QTMAN: variants seen among roughly 807,000 people sequenced by gnomAD.
QTMAN encodes queuosine-tRNA mannosyltransferase, also known as tRNA-queuosine alpha-mannosyltransferase.
chr2:144,208,591 A>T, the QTMAN span: 1 of 1,606,678 alleles, frequency 6.2e-7, no homozygotes, highest in Non-Finnish European at 8.5e-7. Flanking sequence ...ATGCATCCTG[A>T]GCTCTAATTA....
At chr2:144,043,526 A>C in the QTMAN span, among the ~76,000 whole-genome samples, 3 of 151,822 alleles carry the variant, frequency 2.0e-5, no homozygotes, top group African/African-American at 7.2e-5. Context: ...CCCACCTACT[A>C]GGGAGGCTGA....
At chr2:143,983,223 A>G in the QTMAN span, among the ~76,000 whole-genome samples, 6 of 152,170 alleles carry the variant, frequency 3.9e-5, no homozygotes, top group Non-Finnish European at 7.4e-5. Context: ...TTCAAGGAAC[A>G]GTTGAGGGGA....
At chr2:144,255,443 T>C in the QTMAN span, among the ~76,000 whole-genome samples, 6 of 152,318 alleles carry the variant, frequency 3.9e-5, no homozygotes, top group Admixed American at 2.6e-4. Context: ...TCCGCCATGG[T>C]TGTTTTCCTG....
At chr2:144,297,780 C>G in the QTMAN span, among the ~76,000 whole-genome samples, 2 of 151,124 alleles carry the variant, frequency 1.3e-5, no homozygotes, top group Non-Finnish European at 3.0e-5. Context: ...TGGGGTTTCA[C>G]CATGTTAGCC....
chr2:144,055,939 T>C, the QTMAN span, among the ~76,000 whole-genome samples: 2 of 152,192 alleles, frequency 1.3e-5, no homozygotes, highest in Non-Finnish European at 2.9e-5. Flanking sequence ...TAGGATTAAA[T>C]ATTGGCCGCA....
At chr2:144,039,522 T>C in the QTMAN span, among the ~76,000 whole-genome samples, 1 of 152,184 alleles carries the variant, frequency 6.6e-6, no homozygotes, top group Non-Finnish European at 1.5e-5. Flanking sequence ...TCCTCCAAAA[T>C]AAACAACTTT....
chr2:144,307,813 A>T, the QTMAN span, among the ~76,000 whole-genome samples: 4 of 152,190 alleles, frequency 2.6e-5, no homozygotes, highest in Admixed American at 6.5e-5. Context: ...AAACTACAAA[A>T]CATTACTCAG....
chr2:144,019,640 C>T, the QTMAN span, among the ~76,000 whole-genome samples: 2 of 152,000 alleles, frequency 1.3e-5, no homozygotes, highest in African/African-American at 4.8e-5. Context: ...GAAATCAACC[C>T]CCTTGATAAC....
the QTMAN span, among the ~76,000 whole-genome samples, chr2:144,152,373 G>A: frequency 6.6e-6 from 1 of 152,098 alleles, no homozygotes; most frequent in Non-Finnish European, 1.5e-5. Context: ...TGCCTATTGA[G>A]CTTCTTTAGC....
At chr2:143,969,695 G>A in the QTMAN span, among the ~76,000 whole-genome samples, 1 of 152,184 alleles carries the variant, frequency 6.6e-6, no homozygotes, top group Non-Finnish European at 1.5e-5. Context: ...AGATCAAAAG[G>A]ATAAAATAGA....
the QTMAN span, among the ~76,000 whole-genome samples, chr2:144,326,693 C>T: frequency 1.3e-5 from 2 of 151,990 alleles, no homozygotes; most frequent in African/African-American, 4.8e-5. Context: ...ACTGGCTTCC[C>T]ACACTGATAA....
At chr2:144,224,257 G>T in the QTMAN span, among the ~76,000 whole-genome samples, 1 of 152,092 alleles carries the variant, frequency 6.6e-6, no homozygotes, top group Non-Finnish European at 1.5e-5. Context: ...TATCATAAAA[G>T]TTATAACAAC....
At chr2:144,116,924 A>G in the QTMAN span, among the ~76,000 whole-genome samples, 2 of 152,138 alleles carry the variant, frequency 1.3e-5, no homozygotes, top group Admixed American at 1.3e-4. Flanking sequence ...TATGCTATTG[A>G]GGGTCCTGGG....
the QTMAN span, among the ~76,000 whole-genome samples, chr2:144,063,032 T>C: frequency 1.3e-5 from 2 of 152,136 alleles, no homozygotes; most frequent in South Asian, 4.2e-4. Context: ...TTTGGCCAAT[T>C]AGAGTCATTT....
chr2:144,203,723 T>C, the QTMAN span, among the ~76,000 whole-genome samples: 6 of 152,284 alleles, frequency 3.9e-5, no homozygotes, highest in Admixed American at 2.0e-4. Context: ...AGAAGTACCA[T>C]ACCTACTTCT....
At chr2:144,216,210 C>A in the QTMAN span, among the ~76,000 whole-genome samples, 7 of 152,172 alleles carry the variant, frequency 4.6e-5, no homozygotes, top group Non-Finnish European at 7.4e-5. Flanking sequence ...ATCACCATTT[C>A]TATGAAGCCT....
At chr2:144,132,352 T>C in the QTMAN span, among the ~76,000 whole-genome samples, 1 of 152,060 alleles carries the variant, frequency 6.6e-6, no homozygotes, top group Non-Finnish European at 1.5e-5. Context: ...GGCTAAGAGA[T>C]TATTCTGGTA....
the QTMAN span, among the ~76,000 whole-genome samples, chr2:144,077,464 T>G: frequency 6.6e-6 from 1 of 152,208 alleles, no homozygotes; most frequent in South Asian, 2.1e-4. Context: ...TATCTATACC[T>G]CCAGATACTG....
At chr2:144,038,170 T>G in the QTMAN span, among the ~76,000 whole-genome samples, 2 of 152,340 alleles carry the variant, frequency 1.3e-5, no homozygotes, top group East Asian at 1.9e-4. Context: ...TAAAAAAAAT[T>G]TATTCATAAT....
Sources: allele counts gnomAD v4.1 joint callset (sites outside exome capture counted in the v4.1 genomes callset), GRCh38; gene constraint gnomAD v4.1.1; transcripts MANE v1.5; gene names NCBI Gene and HGNC (gene_info 2026-07-23, HGNC 2026-07-21).